STXBP2: variants seen among roughly 807,000 people sequenced by gnomAD.
STXBP2 encodes the protein syntaxin binding protein 2, also known as syntaxin-binding protein 2.
In STXBP2, 47 loss-of-function variants were observed where a neutral mutation model predicts 72.2. The ratio of observed to expected loss-of-function variants is 0.65; its 90% confidence interval spans 0.51 to 0.83. The LOEUF (loss-of-function observed/expected upper bound fraction) is 0.83. Among genes scored for constraint, STXBP2 ranks in the 40% least tolerant of loss-of-function variants. STXBP2 has a pLI of 0.00. For missense variants in STXBP2, 702 were observed against 807.6 expected (o/e 0.87, Z 1.58); for synonymous variants, 367 against 338.7 (o/e 1.08, Z -0.92).
At chr19:7,646,790 C>T (rs1476133676) in intron 16 of STXBP2, 7 of 408,310 alleles carry the variant, frequency 1.7e-5, no homozygotes, top group African/African-American at 8.1e-5. Context: ...ACCTTGAATA[C>T]CTGGACTTCT....
In STXBP2 at chr19:7,642,404, C is replaced by T. The variant is rs1450335096; in HGVS notation, c.795-25C>T. 2.5e-6 allele frequency: 4 copies of T among 1,613,850 alleles called. No homozygotes were observed. The Admixed American group carries it at 5.0e-5, about 20-fold the overall frequency. On this transcript the variant is annotated intron_variant, in intron 9 of 18. Coordinates refer to ENST00000221283, the MANE Select transcript of STXBP2 (RefSeq NM_006949.4). This position sits in a 1 kb window ranked among gnomAD's most constrained non-coding sequence, Gnocchi z 6.0. ...TCCCCAGTCCTCAGCTCCCCTGACC[C>T]CCAGGCTCCCTCCTTCCTCCCCAGG...
Position 7,647,489 on chromosome 19 carries a change from G to A in STXBP2, c.1674G>A (p.Glu558=), listed in dbSNP as rs780461960. 6.2e-7 allele frequency: 1 copy of A among 1,604,576 alleles called. No individual in the cohort carries two copies. The highest frequency in any genetic ancestry group is 1.7e-5 in the Admixed American group (1 of 58,582). ...CCTACGAGGTGACCAGGGCCACCGAGGGCAAGTGGGAGGTGCTCATTGGTA... is the reference window on the plus strand; with the variant it reads ...CCTACGAGGTGACCAGGGCCACCGAAGGCAAGTGGGAGGTGCTCATTGGTA... ...RAAYEVTRAT[E]GKWEVLIGSS... Residue 558 remains glutamate (E), a synonymous_variant, in exon 18 of 19, where the codon GAG becomes GAA. Transcript: ENST00000221283.
chr19:7,643,435 G>T (rs1167519084), intron 13 of STXBP2, among the ~76,000 whole-genome samples, 190 bp downstream of exon 13: 2 of 151,946 alleles, frequency 1.3e-5, no homozygotes, highest in Non-Finnish European at 2.9e-5. Context: ...CTAGGATGAG[G>T]GTGTGGCCTG....
At chr19:7,639,909 C>CGTGTGCATGTGTCCATGTGTATGT (rs765305420) in intron 4 of STXBP2, 102 bp downstream of exon 4, 48 of 1,284,430 alleles carry the variant, frequency 3.7e-5, no homozygotes, top group Middle Eastern at 4.6e-4. Context: ...CATGTGTATA[C>CGTGTGCATGTGTCCATGTGTATGT]GTGTGCATGT....
intron 6 of STXBP2, 117 bp downstream of exon 6, chr19:7,641,120 T>G (rs1180248644): frequency 1.2e-5 from 13 of 1,089,020 alleles, no homozygotes; most frequent in Admixed American, 3.9e-5. Flanking sequence ...ATCCCAGCGC[T>G]GTGGGAGGCC....
upstream of STXBP2, chr19:7,632,553 C>T (rs146670929): frequency 5.2e-4 from 842 of 1,607,458 alleles, 3 homozygotes; most frequent in African/African-American, 9.8e-3. This position sits in a 1 kb window ranked among gnomAD's most constrained non-coding sequence, Gnocchi z 5.2. Flanking sequence ...AGGACACAGC[C>T]GGAGTGGGGG....
At chr19:7,639,290 GGGAGCCCAT>G in intron 3 of STXBP2, 190 bp downstream of exon 3, 1 of 692,244 alleles carries the variant, frequency 1.4e-6, no homozygotes, top group Admixed American at 2.1e-5. Context: ...AGCTGACTGC[GGGAGCCCAT>G]GGATTGCAGG....
chr19:7,635,825 C>CT (rs1305018063), upstream of STXBP2, among the ~76,000 whole-genome samples: 1 of 152,210 alleles, frequency 6.6e-6, no homozygotes, highest in African/African-American at 2.4e-5. Context: ...TTGCCTGTGA[C>CT]TGTCCTATTT....
chr19:7,640,874 G>A (rs772817393), intron 5 of STXBP2, 26 bp from the exon 6 acceptor site: 1 of 1,613,776 alleles, frequency 6.2e-7, no homozygotes, highest in Non-Finnish European at 8.5e-7. Flanking sequence ...GCTCTGGCCT[G>A]ATGCCCCACT....
At chr19:7,629,899 G>T in the STXBP2 span, 1 of 1,490,452 alleles carries the variant, frequency 6.7e-7, no homozygotes, top group African/African-American at 1.4e-5. Flanking sequence ...GCTGGGCAGG[G>T]GATCTTCCTG....
upstream of STXBP2, among the ~76,000 whole-genome samples, chr19:7,635,742 A>AGAAAGGAAGGG (rs1165592610): frequency 6.6e-6 from 1 of 152,130 alleles, no homozygotes; most frequent in Non-Finnish European, 1.5e-5. Context: ...AGAAGAAGGA[A>AGAAAGGAAGGG]GAAAGGAAGG....
Position 7,647,509 on chromosome 19 carries a change from T to C in STXBP2, c.1694T>C (p.Ile565Thr), listed in dbSNP as rs2032186554. 1.8e-5 allele frequency: 28 copies of C among 1,594,456 alleles called. No homozygotes were observed. Among genetic ancestry groups the C allele is most frequent in the Non-Finnish European group, 2.2e-5 (26 of 1,169,986 alleles). The part of the protein sequence containing the change: ...RATEGKWEVL[I>T]GSSHILTPTR... The stretch of plus-strand genomic sequence containing the variant: ...ACCGAGGGCAAGTGGGAGGTGCTCA[T>C]TGGTAAGTCACCAGGACTGGGACCC... Residue 565 changes from isoleucine to threonine, a missense_variant and splice_region_variant, in exon 18 of 19, where the codon ATT becomes ACT. Transcript: ENST00000221283.
upstream of STXBP2, among the ~76,000 whole-genome samples, chr19:7,634,255 T>C (rs1349514157): frequency 1.3e-5 from 2 of 152,070 alleles, no homozygotes. Flanking sequence ...TGGCTTTCCC[T>C]CAGTGCCCAA....
the STXBP2 span, chr19:7,630,695 G>A: frequency 1.3e-6 from 2 of 1,533,528 alleles, no homozygotes; most frequent in Non-Finnish European, 1.7e-6. Context: ...GTTCATTCCA[G>A]GGGTGGGAGA....
upstream of STXBP2, chr19:7,632,513 G>A (rs140979086): frequency 3.7e-4 from 603 of 1,612,946 alleles, no homozygotes; most frequent in Non-Finnish European, 4.2e-4. This position sits in a 1 kb window ranked among gnomAD's most constrained non-coding sequence, Gnocchi z 5.2. Flanking sequence ...GGGTGGGGTC[G>A]CTCTCTGCGT....
In STXBP2 at chr19:7,640,222, CTGTG is replaced by C. The variant is rs374515522; in HGVS notation, c.246+420_246+423del. 3.0e-3 allele frequency: 1,508 copies of C among 496,400 alleles called. 24 individuals are homozygous for C. The African/African-American group carries it at 0.032, about 11-fold the overall frequency. 30.7% of individuals were successfully genotyped at this position (496,400 alleles called of 1,614,324 possible). A position where few individuals can be genotyped will look rare whatever the true frequency, so the allele number is the denominator to read the frequency against. On this transcript the variant is annotated intron_variant, in intron 4 of 18. Transcript: ENST00000221283. Reference sequence around the variant, plus strand: ...TGCGTGTGTATGTATGTGTCTGCGTCTGTGTGTGCGTCTGTGTGTATCTGTGTGT... The same window carrying C: ...TGCGTGTGTATGTATGTGTCTGCGTCTGTGCGTCTGTGTGTATCTGTGTGT...
rs1265029423 is a variant in STXBP2, at chr19:7,640,998, G to T, written c.424G>T (p.Ala142Ser). ...TCACCTTGCCTTCCTCCCCTACGAG[G>T]CCCAGGTACGGCCCGGGCTCATCCT... is the stretch of plus-strand genomic sequence containing the variant. Reference protein sequence around the residue: ...EIHLAFLPYEAQVFSLDAPHS... With the variant: ...EIHLAFLPYESQVFSLDAPHS... The change falls in exon 6 of 19, where the codon GCC (alanine) becomes TCC (serine). Residue 142 changes from alanine to serine, a missense_variant. Coordinates refer to ENST00000221283, the MANE Select transcript of STXBP2 (RefSeq NM_006949.4). 6.2e-7 allele frequency: 1 copy of T among 1,614,126 alleles called. No homozygotes were observed. The highest frequency in any genetic ancestry group is 1.1e-5 in the South Asian group (1 of 91,088).
intron 16 of STXBP2, chr19:7,646,758 C>T: frequency 2.6e-6 from 1 of 391,628 alleles, no homozygotes; most frequent in Non-Finnish European, 4.7e-6. Flanking sequence ...GGCCAGAGAC[C>T]TGGGCCTCCT....
At chr19:7,643,936 CAGGT>C (rs928102086) in intron 13 of STXBP2, among the ~76,000 whole-genome samples, 3 of 82,200 alleles carry the variant, frequency 3.6e-5, no homozygotes, top group Admixed American at 1.5e-4. Flanking sequence ...AGCTGGGAGA[CAGGT>C]AGAGCCATGG....
Sources: allele counts gnomAD v4.1 joint callset (sites outside exome capture counted in the v4.1 genomes callset), GRCh38; gene constraint gnomAD v4.1.1; non-coding constraint Gnocchi (gnomAD v3.1); transcripts MANE v1.5; gene names NCBI Gene and HGNC (gene_info 2026-07-23, HGNC 2026-07-21).